GLRA2: variants seen among roughly 807,000 people sequenced by gnomAD.
GLRA2 encodes glycine receptor subunit alpha-2.
A neutral mutation model predicts 31.6 loss-of-function variants in GLRA2; 11 were observed. That is an observed-to-expected ratio of 0.35 (90% confidence interval 0.22 to 0.58). The LOEUF (loss-of-function observed/expected upper bound fraction) is 0.58, where lower values mean the gene tolerates loss of function less well. Ranked by LOEUF, GLRA2 falls within the 20% of genes least tolerant of loss-of-function variation. The pLI, the probability that GLRA2 is intolerant of heterozygous loss-of-function variation, is 0.84. For synonymous variants in GLRA2, 132 were observed against 134.0 expected, an observed-to-expected ratio of 0.99 and a Z score of 0.10; for missense variants, 212 against 351.8, an observed-to-expected ratio of 0.60 and a Z score of 3.18.
chrX:14,579,136 C>G (rs2089988427), intron 3 of GLRA2, among the ~76,000 whole-genome samples: 1 of 112,117 alleles, frequency 8.9e-6, no homozygotes, highest in Admixed American at 9.5e-5. Flanking sequence ...TCCTGAAGAA[C>G]TCAGATTAAG....
the GLRA2 span, among the ~76,000 whole-genome samples, chrX:14,482,034 A>G: frequency 1.8e-5 from 2 of 112,006 alleles, no homozygotes; most frequent in African/African-American, 6.5e-5. Context: ...TTAATTACAC[A>G]TTCCAGATTT....
intron 8 of GLRA2, among the ~76,000 whole-genome samples, chrX:14,728,359 C>A (rs902622534): frequency 9.0e-6 from 1 of 111,104 alleles, no homozygotes; most frequent in Non-Finnish European, 1.9e-5. Flanking sequence ...TGCCAGTTCA[C>A]CCCAGCCTGG....
chrX:14,663,271 T>G, intron 7 of GLRA2, among the ~76,000 whole-genome samples: 2 of 111,584 alleles, frequency 1.8e-5, no homozygotes, highest in Middle Eastern at 4.6e-3. Flanking sequence ...GAATTAGTAT[T>G]ATTAAAGATT....
At chrX:14,702,134 G>C (rs185885418) in intron 8 of GLRA2, among the ~76,000 whole-genome samples, 1 of 111,904 alleles carries the variant, frequency 8.9e-6, no homozygotes, top group Admixed American at 9.4e-5. Flanking sequence ...TCAGATGTTA[G>C]AAACGACATG....
chrX:14,671,009 C>T (rs980423092), intron 7 of GLRA2, among the ~76,000 whole-genome samples: 1 of 111,772 alleles, frequency 8.9e-6, no homozygotes, highest in Admixed American at 9.5e-5. Flanking sequence ...TCTGTTTCAG[C>T]TCCATTATTC....
chrX:14,717,763 C>A, intron 8 of GLRA2, among the ~76,000 whole-genome samples: 1 of 107,013 alleles, frequency 9.3e-6, no homozygotes. Context: ...AAAAACCCAT[C>A]GGTCAATAAA....
intron 8 of GLRA2, among the ~76,000 whole-genome samples, chrX:14,722,560 G>C (rs1247804369): frequency 1.8e-5 from 2 of 111,861 alleles, no homozygotes; most frequent in African/African-American, 6.5e-5. Flanking sequence ...AATGGAAAGA[G>C]TGTCAATGAT....
At chrX:14,460,519 T>TTGGC in the GLRA2 span, among the ~76,000 whole-genome samples, 1 of 112,078 alleles carries the variant, frequency 8.9e-6, no homozygotes, top group African/African-American at 3.2e-5. Context: ...TTTTGGTTGG[T>TTGGC]TGGCTATTAA....
At chrX:14,711,963 T>G (rs2091716398) in intron 8 of GLRA2, among the ~76,000 whole-genome samples, 2 of 112,794 alleles carry the variant, frequency 1.8e-5, no homozygotes. Flanking sequence ...TAACAAATCT[T>G]CCGCGATTAA....
the GLRA2 span, among the ~76,000 whole-genome samples, chrX:14,459,226 G>A: frequency 1.8e-5 from 2 of 111,376 alleles, no homozygotes; most frequent in Non-Finnish European, 3.8e-5. Flanking sequence ...TGTTCCATTG[G>A]TCTATAACTC....
chrX:14,593,324 T>C (rs764260881), intron 4 of GLRA2, among the ~76,000 whole-genome samples: 1 of 112,414 alleles, frequency 8.9e-6, no homozygotes, highest in Non-Finnish European at 1.9e-5. Flanking sequence ...ATATTTATCA[T>C]TGGACAGTCA....
chrX:14,606,217 C>T (rs2090332683), intron 5 of GLRA2, among the ~76,000 whole-genome samples: 1 of 107,458 alleles, frequency 9.3e-6, no homozygotes, highest in South Asian at 4.1e-4. Flanking sequence ...ATAATATCCT[C>T]TGTCCTCATC....
At chrX:14,510,451 T>C in the GLRA2 span, among the ~76,000 whole-genome samples, 2 of 111,610 alleles carry the variant, frequency 1.8e-5, no homozygotes, top group African/African-American at 6.5e-5. Context: ...TCCATTAACA[T>C]TGGCCCCCAG....
At position 14,534,244 on chromosome X, in the gene GLRA2, TTAAAGTC is replaced by T. The variant is rs200422770; in HGVS notation, c.202+1876_202+1882del. The stretch of plus-strand genomic sequence containing the variant: ...TTTTTTTTTTGATCTATCTACTACT[TTAAAGTC>T]TAAGTACAGGATATTTTAATGACTT... On this transcript the variant is annotated intron_variant, in intron 2 of 8. Coordinates refer to ENST00000218075, the MANE Select transcript of GLRA2 (RefSeq NM_002063.4). Among the ~76,000 whole-genome samples, 23 of 108,491 alleles carry T rather than the reference TTAAAGTC, an allele frequency of 2.1e-4. No homozygotes were observed. In the East Asian group the frequency reaches 5.8e-3, roughly 27 times the overall value. The allele number at this position is 108,491 out of a possible 115,157, so 94.2% of individuals were successfully genotyped here. A position where few individuals can be genotyped will look rare whatever the true frequency, so the allele number is the denominator to read the frequency against.
At chrX:14,454,887 A>G in the GLRA2 span, among the ~76,000 whole-genome samples, 8 of 112,540 alleles carry the variant, frequency 7.1e-5, no homozygotes, top group Non-Finnish European at 1.3e-4. Flanking sequence ...ACAAAATTGA[A>G]GTTTTAAAAA....
At chrX:14,555,890 T>A (rs2089635950) in intron 2 of GLRA2, among the ~76,000 whole-genome samples, 1 of 111,873 alleles carries the variant, frequency 8.9e-6, no homozygotes, top group African/African-American at 3.3e-5. Flanking sequence ...GCCTACTATG[T>A]GCTCAGTACT....
the GLRA2 span, among the ~76,000 whole-genome samples, chrX:14,490,011 G>T: frequency 8.1e-5 from 9 of 110,642 alleles, no homozygotes; most frequent in Non-Finnish European, 1.5e-4. Flanking sequence ...GGAATCCCAG[G>T]CATCTAGCCA....
intron 7 of GLRA2, among the ~76,000 whole-genome samples, chrX:14,650,184 T>C (rs912109690): frequency 1.8e-5 from 2 of 111,369 alleles, no homozygotes; most frequent in African/African-American, 6.5e-5. Flanking sequence ...AATAACAATT[T>C]TGAAAGCTTT....
intron 6 of GLRA2, among the ~76,000 whole-genome samples, 180 bp downstream of exon 6, chrX:14,607,448 T>C (rs1048192928): frequency 6.3e-5 from 7 of 111,163 alleles, no homozygotes; most frequent in Non-Finnish European, 1.3e-4. Context: ...CTCTCTGGAA[T>C]AGGTCAGCAA....
Sources: allele counts gnomAD v4.1 joint callset (sites outside exome capture counted in the v4.1 genomes callset), GRCh38; gene constraint gnomAD v4.1.1; transcripts MANE v1.5; gene names NCBI Gene and HGNC (gene_info 2026-07-23, HGNC 2026-07-21).